Variants in AASDH observed in about 807,000 individuals in gnomAD.
AASDH encodes aminoadipate-semialdehyde dehydrogenase.
AASDH carries 81 observed loss-of-function variants against 102.3 expected under a neutral mutation model. That is an observed-to-expected ratio of 0.79 (90% CI 0.66 to 0.95). The LOEUF is 0.95. AASDH is among the 40% of genes least tolerant of loss of function. AASDH has a pLI of 0.00. For synonymous variants in AASDH, 398 were observed against 454.0 expected (o/e 0.88, Z 1.57); for missense variants, 1,203 against 1,266.2 (o/e 0.95, Z 0.76).
At chr4:56,379,675 T>A (rs770894904) in intron 3 of AASDH, among the ~76,000 whole-genome samples, 1 of 152,202 alleles carries the variant, frequency 6.6e-6, no homozygotes, top group Non-Finnish European at 1.5e-5. Context: ...AGGCTTGAAA[T>A]GTTAATGGGA....
intron 11 of AASDH, among the ~76,000 whole-genome samples, chr4:56,345,837 A>G (rs1748268559): frequency 1.3e-5 from 2 of 152,260 alleles, no homozygotes; most frequent in East Asian, 1.9e-4. Flanking sequence ...AGTATGTTAC[A>G]TCTATTAATT....
chr4:56,364,911 G>A (rs928483018), intron 5 of AASDH, among the ~76,000 whole-genome samples: 3 of 152,142 alleles, frequency 2.0e-5, no homozygotes, highest in Non-Finnish European at 4.4e-5. Context: ...CCAGTTAAAA[G>A]ACACAGACTG....
chr4:56,386,718 G>A (rs919511426), intron 1 of AASDH, among the ~76,000 whole-genome samples: 12 of 143,312 alleles, frequency 8.4e-5, no homozygotes, highest in African/African-American at 1.6e-4. Context: ...GCGTCAACCC[G>A]GGAAGCGGAG....
intron 5 of AASDH, among the ~76,000 whole-genome samples, chr4:56,364,981 G>A (rs1310539861): frequency 2.6e-5 from 4 of 152,070 alleles, no homozygotes; most frequent in South Asian, 2.1e-4. Flanking sequence ...CTCATCTCAC[G>A]TGCAGAGACA....
At chr4:56,366,823 C>A (rs1317587043) in intron 5 of AASDH, among the ~76,000 whole-genome samples, 3 of 149,780 alleles carry the variant, frequency 2.0e-5, no homozygotes, top group African/African-American at 7.5e-5. Context: ...GACAGGGATG[C>A]CCTCTCTCAC....
At chr4:56,382,324 A>G in intron 3 of AASDH, 153 bp downstream of exon 3, 1 of 741,730 alleles carries the variant, frequency 1.3e-6, no homozygotes, top group Non-Finnish European at 2.1e-6. Context: ...CACTCCTCAC[A>G]ACAATTACTC....
At chr4:56,355,097 C>A in intron 6 of AASDH, 85 bp downstream of exon 6, 1 of 1,443,930 alleles carries the variant, frequency 6.9e-7, no homozygotes, top group Non-Finnish European at 9.3e-7. Flanking sequence ...ATTATTACCC[C>A]AGCACCTATC....
intron 5 of AASDH, among the ~76,000 whole-genome samples, chr4:56,361,693 T>C (rs372838721): frequency 3.9e-5 from 6 of 152,166 alleles, no homozygotes; most frequent in African/African-American, 1.4e-4. Context: ...TTTTAGACCA[T>C]GCATGGTGGC....
chr4:56,340,906 A>G (rs1284183231), intron 14 of AASDH, among the ~76,000 whole-genome samples: 1 of 152,234 alleles, frequency 6.6e-6, no homozygotes, highest in Non-Finnish European at 1.5e-5. Flanking sequence ...GCTAACAGGT[A>G]TATGAAAAAA....
At chr4:56,341,570 T>G (rs1747696934) in intron 14 of AASDH, among the ~76,000 whole-genome samples, 2 of 149,476 alleles carry the variant, frequency 1.3e-5, no homozygotes, top group Non-Finnish European at 3.0e-5. Flanking sequence ...TTTTTTTTTT[T>G]TTTTTGTATT....
rs751455302 is a variant in AASDH, at chr4:56,349,718, A to G, written c.2033T>C (p.Phe678Ser). The G allele has an allele frequency of 1.2e-6, 2 of 1,614,200 alleles. No homozygotes were observed. The highest frequency in any genetic ancestry group is 1.7e-6 in the Non-Finnish European group (2 of 1,180,036). Reference protein sequence around the residue: ...TFTCHNEINAFVVLSRGSQIL... With the variant: ...TFTCHNEINASVVLSRGSQIL... The stretch of plus-strand genomic sequence containing the variant: ...TTGACTCCCTCTGCTCAGTACAACA[A>G]AAGCATTAATCTCATTGTGGCAAGT... The change falls in exon 11 of 15, where the codon TTT (phenylalanine) becomes TCT (serine). Residue 678 changes from phenylalanine to serine, a missense_variant. By Grantham distance (155) the Phe-to-Ser change is radical. Coordinates refer to ENST00000205214, the MANE Select transcript of AASDH (RefSeq NM_181806.4).
chr4:56,338,440 C>CATA lies in AASDH; in HGVS notation c.3256_3258dup (p.Tyr1086dup), dbSNP rs769995585. On this transcript the variant is annotated inframe_insertion, in exon 15 of 15. Coordinates refer to ENST00000205214, the MANE Select transcript of AASDH (RefSeq NM_181806.4). ...CCACCCAATAAATCCAGACAATAAA[C>CATA]ATAATTATCTCTACACCCAATAATG... is the stretch of plus-strand genomic sequence containing the variant. 3 of 1,613,826 alleles carry CATA rather than the reference C, an allele frequency of 1.9e-6. No homozygotes were observed. Among genetic ancestry groups the CATA allele is most frequent in the Non-Finnish European group, 2.5e-6 (3 of 1,179,868 alleles).
rs768054055 is a variant in AASDH at position 56,338,614 on chromosome 4, T to A, written c.3085A>T (p.Asn1029Tyr). Reference protein sequence around the residue: ...RVYATPFAFHNYNGSNEMLLA... With the variant: ...RVYATPFAFHYYNGSNEMLLA... The stretch of plus-strand genomic sequence containing the variant: ...AACATTTCATTGCTGCCATTGTAGT[T>A]ATGGAAAGCAAACGGTGTTGCATAG... The change falls in exon 15 of 15, where the codon AAC (asparagine) becomes TAC (tyrosine). Residue 1029 changes from asparagine (N) to tyrosine (Y), a missense_variant. By Grantham distance (143) the Asn-to-Tyr change is moderately radical. Coordinates refer to ENST00000205214, the MANE Select transcript of AASDH (RefSeq NM_181806.4). The A allele has an allele frequency of 6.2e-7, 1 of 1,614,214 alleles. No individual in the cohort carries two copies. The highest frequency in any genetic ancestry group is 1.1e-5 in the South Asian group (1 of 91,090).
At chr4:56,371,343 A>G in intron 5 of AASDH, 108 bp downstream of exon 5, 1 of 1,165,108 alleles carries the variant, frequency 8.6e-7, no homozygotes, top group Non-Finnish European at 1.2e-6. Flanking sequence ...TAATCTAACC[A>G]GATTATATTA....
chr4:56,347,101 C>A (rs1318854213), intron 11 of AASDH, among the ~76,000 whole-genome samples: 4 of 150,308 alleles, frequency 2.7e-5, no homozygotes, highest in Non-Finnish European at 5.9e-5. Context: ...ATTAAAACCA[C>A]AATAAAATTC....
intron 4 of AASDH, among the ~76,000 whole-genome samples, chr4:56,377,237 TTC>T (rs939998433): frequency 6.6e-5 from 10 of 152,194 alleles, no homozygotes; most frequent in African/African-American, 2.2e-4. Context: ...AGGTTTCTAT[TTC>T]TGTTTCCTCC....
Position 56,355,243 on chromosome 4 carries a change from CT to C in AASDH, c.1041del (p.Glu348ArgfsTer36), listed in dbSNP as rs1184632018. 1.9e-6 allele frequency: 3 copies of C among 1,614,072 alleles called. No homozygotes were observed. The highest frequency in any genetic ancestry group is 2.5e-6 in the Non-Finnish European group (3 of 1,179,956). On this transcript the variant is annotated frameshift_variant, in exon 6 of 15. Transcript: ENST00000205214. LOFTEE classifies it high-confidence loss of function. Reference sequence around the variant, plus strand: ...TAAATGGTCGCCCAACTTGATACCTCTGTGATACCATAAACATTAAATATTT... The same window carrying C: ...TAAATGGTCGCCCAACTTGATACCTCGTGATACCATAAACATTAAATATTT... The part of the protein sequence containing the change: ...KTQIFNVYGI[T>X]EVSSWATIYR...
At chr4:56,341,868 T>C (rs1379802393) in intron 14 of AASDH, among the ~76,000 whole-genome samples, 1 of 151,368 alleles carries the variant, frequency 6.6e-6, no homozygotes, top group Non-Finnish European at 1.5e-5. Context: ...TCTCAATACT[T>C]TGGGAGGCTG....
chr4:56,343,755 A>G, intron 12 of AASDH, 71 bp from the exon 13 acceptor site: 1 of 1,421,572 alleles, frequency 7.0e-7, no homozygotes, highest in Non-Finnish European at 9.5e-7. Context: ...ACCCTTCATG[A>G]TATTATGTCT....
Sources: allele counts gnomAD v4.1 joint callset (sites outside exome capture counted in the v4.1 genomes callset), GRCh38; gene constraint gnomAD v4.1.1; transcripts MANE v1.5; gene names NCBI Gene and HGNC (gene_info 2026-07-23, HGNC 2026-07-21).